ZNF469: variants seen among roughly 807,000 people sequenced by gnomAD.
ZNF469 encodes the protein zinc finger protein 469.
A neutral mutation model predicts 1.0 loss-of-function variants in ZNF469; 1 was observed. The ratio of observed to expected loss-of-function variants is 1.00; its 90% CI spans 0.35 to 4.73. The LOEUF (loss-of-function observed/expected upper bound fraction) is 4.73. Among genes scored for constraint, ZNF469 ranks in the 30% most tolerant of loss-of-function variants. The pLI is 0.16. For missense variants in ZNF469, 6,100 were observed against 5,356.3 expected, an observed-to-expected ratio of 1.14 and a Z score of -4.33; for synonymous variants, 2,703 against 2,363.4, an observed-to-expected ratio of 1.14 and a Z score of -4.17.
At chr16:88,352,702 G>A in the ZNF469 span, among the ~76,000 whole-genome samples, 54 of 152,226 alleles carry the variant, frequency 3.5e-4, no homozygotes, top group African/African-American at 1.2e-3. Flanking sequence ...CCGTGGGGAC[G>A]TGGCGTGGAA....
the ZNF469 span, among the ~76,000 whole-genome samples, chr16:88,245,073 C>T: frequency 3.9e-5 from 6 of 152,088 alleles, no homozygotes; most frequent in African/African-American, 1.4e-4. Context: ...ATTTTGTTTC[C>T]GAGGGAAGGA....
At chr16:88,228,222 AGG>A in the ZNF469 span, among the ~76,000 whole-genome samples, 1 of 152,230 alleles carries the variant, frequency 6.6e-6, no homozygotes. Flanking sequence ...GCTGTGGAGC[AGG>A]GGGACCCTGC....
chr16:88,341,968 G>A, the ZNF469 span, among the ~76,000 whole-genome samples: 399 of 152,262 alleles, frequency 2.6e-3, 2 homozygotes, highest in African/African-American at 9.0e-3. Context: ...TGTGGACTTC[G>A]AGGTGCCCAG....
chr16:88,184,125 C>A, the ZNF469 span, among the ~76,000 whole-genome samples: 1 of 152,008 alleles, frequency 6.6e-6, no homozygotes, highest in East Asian at 2.0e-4. Flanking sequence ...ACTGTGGCCC[C>A]CGTGTAAACA....
At position 88,437,340 on chromosome 16, in the gene ZNF469, C is replaced by T. The variant is rs766216457; in HGVS notation, c.9870C>T (p.Ser3290=). Residue 3290 remains serine (S), a synonymous_variant, in exon 3 of 3, where the codon AGC becomes AGT. Transcript: ENST00000565624. ...SNPDGAATPD[S]ASATALADAG... is the part of the protein sequence containing the mutation. ...CAGACGGGGCCGCGACCCCAGACAG[C>T]GCCTCTGCCACCGCCCTGGCTGACG... The T allele has an allele frequency of 1.9e-6, 3 of 1,545,292 alleles. No individual in the cohort carries two copies. Among genetic ancestry groups the T allele is most frequent in the African/African-American group, 1.4e-5 (1 of 72,704 alleles).
chr16:88,395,032 C>T lies in ZNF469; in HGVS notation c.-192+11778C>T, dbSNP rs189581823. On this transcript the variant is annotated intron_variant, in intron 1 of 2. Coordinates refer to ENST00000565624, the MANE Select transcript of ZNF469 (RefSeq NM_001367624.2). ...CTTTGCTGCCATGTCTTGGCCAGTA[C>T]AGCCTCAGGTTGGCTCACGTGCCCC... 7.4e-3 allele frequency among the ~76,000 whole-genome samples: 1,128 copies of T among 152,340 alleles called. 13 individuals are homozygous for T. The highest frequency in any genetic ancestry group is 0.026 in the African/African-American group (1,092 of 41,576).
At chr16:88,419,685 C>G (rs975688821) in intron 1 of ZNF469, among the ~76,000 whole-genome samples, 4 of 152,208 alleles carry the variant, frequency 2.6e-5, no homozygotes, top group Admixed American at 1.3e-4. Flanking sequence ...CACTCCACCC[C>G]TCCTCAACGT....
At position 88,431,903 on chromosome 16, in the gene ZNF469, C is replaced by G. The variant is rs751396157; in HGVS notation, c.4433C>G (p.Ser1478Cys). The G allele has an allele frequency of 1.5e-5, 23 of 1,549,688 alleles. No individual in the cohort carries two copies. The East Asian group carries it at 2.9e-4, about 20-fold the overall frequency. Residue 1478 changes from serine (S) to cysteine (C), a missense_variant, in exon 3 of 3, where the codon TCC becomes TGC. Coordinates refer to ENST00000565624, the MANE Select transcript of ZNF469 (RefSeq NM_001367624.2). ...GGCAGCCTGTCTGCGAACAGGGACT[C>G]CGGTCTGCCGTTCGCATGTGCCGAC... is the stretch of plus-strand genomic sequence containing the variant. The part of the protein sequence containing the change: ...LYGSLSANRD[S>C]GLPFACADPP...
the ZNF469 span, among the ~76,000 whole-genome samples, chr16:88,148,873 G>T: frequency 6.6e-6 from 1 of 152,292 alleles, no homozygotes; most frequent in East Asian, 1.9e-4. Flanking sequence ...GTGCCGGGGG[G>T]TTCATGTGTG....
Position 88,428,472 on chromosome 16 carries a change from C to G in ZNF469, c.1002C>G (p.Pro334=). ...YPLPTQPAPS[P]LPCYQGQPGG... is the part of the protein sequence containing the mutation. ...TGCCCACCCAGCCTGCGCCCTCACC[C>G]CTGCCCTGCTACCAGGGCCAGCCAG... The change falls in exon 3 of 3, where the codon CCC becomes CCG. Residue 334 remains proline (P), a synonymous_variant. Transcript: ENST00000565624. The G allele has an allele frequency of 9.0e-6, 14 of 1,549,234 alleles. No individual in the cohort carries two copies. The highest frequency in any genetic ancestry group is 1.1e-5 in the Non-Finnish European group (13 of 1,146,790).
At chr16:88,328,853 G>A in the ZNF469 span, among the ~76,000 whole-genome samples, 2 of 152,182 alleles carry the variant, frequency 1.3e-5, no homozygotes, top group Admixed American at 6.5e-5. Context: ...GCTGGGGCAG[G>A]CGGGTGGGGG....
chr16:88,190,349 C>T, the ZNF469 span, among the ~76,000 whole-genome samples: 1 of 152,270 alleles, frequency 6.6e-6, no homozygotes, highest in South Asian at 2.1e-4. Flanking sequence ...AGAGGTGACA[C>T]CTTGCTCAGT....
Position 88,427,688 on chromosome 16 carries a change from T to C in ZNF469, c.218T>C (p.Leu73Pro). Residue 73 changes from leucine to proline, a missense_variant, in exon 3 of 3, where the codon CTC (leucine) becomes CCC (proline). By Grantham distance (98) the Leu-to-Pro change is moderately conservative. Coordinates refer to ENST00000565624, the MANE Select transcript of ZNF469 (RefSeq NM_001367624.2). ...AQPRQARDGE[L>P]KPPSLRGQAP... ...CCAAGGCAGGCCAGGGACGGGGAGC[T>C]CAAGCCCCCATCCCTGAGAGGCCAG... The C allele has an allele frequency of 6.5e-6, 10 of 1,532,242 alleles. No homozygotes were observed. The highest frequency in any genetic ancestry group is 8.8e-6 in the Non-Finnish European group (10 of 1,141,824). 94.9% of individuals were successfully genotyped at this position (1,532,242 alleles called of 1,614,324 possible). A position where few individuals can be genotyped will look rare whatever the true frequency, so the allele number is the denominator to read the frequency against.
At chr16:88,281,489 G>A in the ZNF469 span, among the ~76,000 whole-genome samples, 36 of 144,424 alleles carry the variant, frequency 2.5e-4, 1 homozygote, top group Admixed American at 7.7e-4. Flanking sequence ...CAATTTTGGC[G>A]CACAGATTAA....
the ZNF469 span, among the ~76,000 whole-genome samples, chr16:88,305,226 A>G: frequency 8.6e-5 from 13 of 151,198 alleles, no homozygotes; most frequent in African/African-American, 2.7e-4. Context: ...CCTCACACAC[A>G]TGCACACACA....
At chr16:88,414,949 G>T (rs564415519) in intron 1 of ZNF469, among the ~76,000 whole-genome samples, 5 of 152,354 alleles carry the variant, frequency 3.3e-5, no homozygotes, top group Non-Finnish European at 5.9e-5. Flanking sequence ...GCCACACAGC[G>T]AGTGGGAACA....
chr16:88,407,293 C>T (rs970714635), intron 1 of ZNF469, among the ~76,000 whole-genome samples: 7 of 109,174 alleles, frequency 6.4e-5, no homozygotes, highest in East Asian at 4.9e-4. Context: ...CCGGAACCGT[C>T]GCCAGCACCT....
At chr16:88,422,988 G>GATTA (rs1555517975) in intron 1 of ZNF469, among the ~76,000 whole-genome samples, 3 of 151,330 alleles carry the variant, frequency 2.0e-5, no homozygotes, top group Admixed American at 2.0e-4. Flanking sequence ...TGGATGGATG[G>GATTA]ATGGATAGAT....
the ZNF469 span, among the ~76,000 whole-genome samples, chr16:88,171,760 G>A: frequency 3.3e-5 from 5 of 152,192 alleles, no homozygotes; most frequent in African/African-American, 1.2e-4. Context: ...TTCCTGCTGT[G>A]TGATGGAATG....
Sources: gnomAD v4.1 joint callset for allele counts (sites outside exome capture counted in the v4.1 genomes callset) on GRCh38, gnomAD v4.1.1 for gene constraint, MANE v1.5 for transcripts, NCBI Gene and HGNC (gene_info 2026-07-23, HGNC 2026-07-21) for gene names.